Variants in DLG1 observed in about 807,000 individuals in gnomAD.
DLG1 encodes the protein discs large MAGUK scaffold protein 1.
A neutral mutation model predicts 123.4 loss-of-function variants in DLG1; 42 were observed. The ratio of observed to expected loss-of-function variants is 0.34; its 90% CI spans 0.27 to 0.44. The LOEUF (loss-of-function observed/expected upper bound fraction) is 0.44. Among genes scored for constraint, DLG1 ranks in the 20% least tolerant of loss-of-function variants. The probability of loss-of-function intolerance (pLI) is 1.00; values close to 1 mark genes in which losing one functional copy is unlikely to be tolerated. For synonymous variants in DLG1, 317 were observed against 356.2 expected (o/e 0.89, Z 1.24); for missense variants, 942 against 1,082.6 (o/e 0.87, Z 1.82).
chr3:197,231,428 G>C (rs1032323105), intron 4 of DLG1, among the ~76,000 whole-genome samples: 5 of 152,108 alleles, frequency 3.3e-5, no homozygotes, highest in African/African-American at 1.2e-4. Flanking sequence ...ATACAGCCAG[G>C]TGTGGTCTTA....
chr3:197,189,181 C>A (rs1008592708), intron 5 of DLG1, among the ~76,000 whole-genome samples: 9 of 152,178 alleles, frequency 5.9e-5, no homozygotes, highest in African/African-American at 2.2e-4. Flanking sequence ...AAACTAAATA[C>A]TTTTCATGTC....
intron 3 of DLG1, among the ~76,000 whole-genome samples, chr3:197,293,227 G>C (rs1350761039): frequency 6.6e-6 from 1 of 152,134 alleles, no homozygotes; most frequent in Non-Finnish European, 1.5e-5. Flanking sequence ...TTAAACAAAT[G>C]TGCAGTTCAT....
intron 6 of DLG1, among the ~76,000 whole-genome samples, chr3:197,143,251 CTTTTTTG>C (rs935643056): frequency 2.3e-5 from 3 of 130,092 alleles, no homozygotes; most frequent in African/African-American, 7.9e-5. Context: ...ACAGCTGGAT[CTTTTTTG>C]TTTTGTTTTT....
At chr3:197,215,797 T>A (rs1228659286) in intron 4 of DLG1, among the ~76,000 whole-genome samples, 1 of 152,160 alleles carries the variant, frequency 6.6e-6, no homozygotes, top group Non-Finnish European at 1.5e-5. Context: ...TTCAGAATTA[T>A]TACTGAGTTG....
chr3:197,085,905 TAAGAC>T (rs1754079153), intron 15 of DLG1, 149 bp from the exon 16 acceptor site: 1 of 603,190 alleles, frequency 1.7e-6, no homozygotes, highest in South Asian at 2.7e-5. Context: ...GCATACAAGA[TAAGAC>T]AAAAAAGAAA....
chr3:197,152,284 C>T (rs1794251509), intron 5 of DLG1, among the ~76,000 whole-genome samples: 2 of 152,110 alleles, frequency 1.3e-5, no homozygotes, highest in Admixed American at 6.6e-5. Flanking sequence ...GTCACTTGAA[C>T]CAAGGTGCAA....
At chr3:197,113,540 C>G (rs1473880463) in intron 13 of DLG1, among the ~76,000 whole-genome samples, 1 of 152,016 alleles carries the variant, frequency 6.6e-6, no homozygotes, top group Non-Finnish European at 1.5e-5. Flanking sequence ...GTCTTAAATT[C>G]TATTTTGTCT....
intron 6 of DLG1, 65 bp from the exon 7 acceptor site, chr3:197,142,833 AT>A: frequency 7.7e-7 from 1 of 1,292,252 alleles, no homozygotes; most frequent in Non-Finnish European, 1.1e-6. Context: ...GCAAGGCAAA[AT>A]TTTTGTATGA....
At chr3:197,124,340 T>A (rs1049893054) in intron 11 of DLG1, among the ~76,000 whole-genome samples, 2 of 152,030 alleles carry the variant, frequency 1.3e-5, no homozygotes, top group Non-Finnish European at 2.9e-5. Context: ...AGTGGCGCGA[T>A]CTCAGCTCAC....
rs115545883 is a variant in DLG1 at position 197,216,606 on chromosome 3, C to T, written c.319-22017G>A. ...TTAGAGACTCAGGACCCAGGGTTTT[C>T]ACTGTGGGCTGGTCACATAGGCACC... On this transcript the variant is annotated intron_variant, in intron 4 of 24. Coordinates refer to ENST00000667157, the MANE Select transcript of DLG1 (RefSeq NM_001366207.1). 8.0e-3 allele frequency among the ~76,000 whole-genome samples: 1,215 copies of T among 152,308 alleles called. 13 individuals carry two copies. Among genetic ancestry groups the T allele is most frequent in the African/African-American group, 0.027 (1,109 of 41,546 alleles).
intron 24 of DLG1, among the ~76,000 whole-genome samples, chr3:197,045,299 G>A (rs1430961451): frequency 3.3e-5 from 5 of 152,130 alleles, no homozygotes; most frequent in Non-Finnish European, 5.9e-5. Context: ...GTGAAAAAAA[G>A]AGTAACAATT....
intron 17 of DLG1, 138 bp from the exon 18 acceptor site, chr3:197,076,823 A>C (rs28677880): frequency 0.088 from 41,106 of 464,520 alleles, 2,450 homozygotes; most frequent in African/African-American, 0.2. Context: ...TTAATCTCAT[A>C]TAAAGTGAAT....
chr3:197,198,460 C>G (rs996282554), intron 4 of DLG1, among the ~76,000 whole-genome samples: 4 of 135,508 alleles, frequency 3.0e-5, no homozygotes, highest in African/African-American at 1.1e-4. Flanking sequence ...GTACTCCAGC[C>G]TGGGTGACAC....
intron 5 of DLG1, chr3:197,183,459 T>C (rs1040838795): frequency 1.1e-6 from 1 of 930,164 alleles, no homozygotes; most frequent in Non-Finnish European, 1.6e-6. Flanking sequence ...CATACATTTC[T>C]ACACATCCAA....
intron 22 of DLG1, among the ~76,000 whole-genome samples, chr3:197,064,457 C>T (rs569133104): frequency 5.3e-5 from 8 of 152,244 alleles, no homozygotes; most frequent in South Asian, 4.1e-4. Context: ...CCTCCCAAAG[C>T]GCTGGGATTA....
At chr3:197,280,495 TG>T (rs1232848022) in intron 4 of DLG1, among the ~76,000 whole-genome samples, 2 of 152,162 alleles carry the variant, frequency 1.3e-5, no homozygotes, top group African/African-American at 4.8e-5. Flanking sequence ...TCCTTTCTCT[TG>T]GACAGATACC....
At position 197,128,523 on chromosome 3, in the gene DLG1, G is replaced by A. The variant is rs566526314; in HGVS notation, c.1165+2004C>T. Reference sequence around the variant, plus strand: ...CATCTTTGAAACTCCTGTTAATGCTGATATTGTGACCTCCTCCCATGAATC... The same window carrying A: ...CATCTTTGAAACTCCTGTTAATGCTAATATTGTGACCTCCTCCCATGAATC... On this transcript the variant is annotated intron_variant, in intron 11 of 24. Coordinates refer to ENST00000667157, the MANE Select transcript of DLG1 (RefSeq NM_001366207.1). Among the ~76,000 whole-genome samples, 10 of 152,336 alleles carry A rather than the reference G, an allele frequency of 6.6e-5. No homozygotes were observed. In the South Asian group the frequency reaches 1.7e-3, roughly 25 times the overall value.
chr3:197,138,720 A>C (rs1173013582), intron 8 of DLG1, among the ~76,000 whole-genome samples: 2 of 152,214 alleles, frequency 1.3e-5, no homozygotes, highest in East Asian at 1.9e-4. Flanking sequence ...TAAAAATAGC[A>C]AACATTTATT....
At chr3:197,266,405 G>A (rs941674067) in intron 4 of DLG1, among the ~76,000 whole-genome samples, 4 of 151,856 alleles carry the variant, frequency 2.6e-5, no homozygotes, top group Admixed American at 6.6e-5. Context: ...CGAAACTATC[G>A]AGACCAACCT....
Sources: gnomAD v4.1 joint callset for allele counts (sites outside exome capture counted in the v4.1 genomes callset) on GRCh38, gnomAD v4.1.1 for gene constraint, MANE v1.5 for transcripts, NCBI Gene and HGNC (gene_info 2026-07-23, HGNC 2026-07-21) for gene names.